CMIP: variants seen among roughly 807,000 people sequenced by gnomAD.
The protein encoded by CMIP is C-Maf-inducing protein.
Under a neutral mutation model 97.3 loss-of-function variants are expected in CMIP, and 13 were observed. The observed-to-expected ratio is 0.13, with a 90% CI of 0.09 to 0.21. The LOEUF is 0.21. Among genes scored for constraint, CMIP ranks in the 10% least tolerant of loss-of-function variants. CMIP has a pLI of 1.00. For missense variants in CMIP, 847 were observed against 1,024.9 expected (o/e 0.83, Z 2.37); for synonymous variants, 538 against 436.3 (o/e 1.23, Z -2.91).
At chr16:81,612,578 A>C (rs1211418522) in intron 2 of CMIP, among the ~76,000 whole-genome samples, 1 of 152,182 alleles carries the variant, frequency 6.6e-6, no homozygotes, top group African/African-American at 2.4e-5. Context: ...GAGCTTGGAA[A>C]AGGTCGCTCA....
At chr16:81,455,850 G>T (rs988122527) in intron 1 of CMIP, among the ~76,000 whole-genome samples, 1 of 152,208 alleles carries the variant, frequency 6.6e-6, no homozygotes, top group African/African-American at 2.4e-5. Flanking sequence ...GGCCTGGTGG[G>T]AAGGCCCTGC....
chr16:81,466,896 A>G (rs1284403599), intron 1 of CMIP, among the ~76,000 whole-genome samples: 7 of 152,224 alleles, frequency 4.6e-5, no homozygotes, highest in Admixed American at 2.6e-4. Flanking sequence ...AGTTTCTGCA[A>G]CCAGTTCCAG....
At chr16:81,463,285 C>G (rs1210807008) in intron 1 of CMIP, among the ~76,000 whole-genome samples, 4 of 152,272 alleles carry the variant, frequency 2.6e-5, no homozygotes, top group Non-Finnish European at 5.9e-5. Context: ...TAGCCACACC[C>G]TAGAGCAAAA....
chr16:81,684,301 C>A (rs1035579032), intron 10 of CMIP, among the ~76,000 whole-genome samples: 4 of 152,224 alleles, frequency 2.6e-5, no homozygotes, highest in African/African-American at 9.6e-5. Context: ...TTCAAGGGAG[C>A]AGATGTTTCT....
intron 3 of CMIP, among the ~76,000 whole-genome samples, chr16:81,651,951 C>G (rs1035131205): frequency 1.3e-5 from 2 of 152,104 alleles, no homozygotes; most frequent in African/African-American, 4.8e-5. Flanking sequence ...CAAGGATTAT[C>G]ATCAGGGTGA....
intron 1 of CMIP, among the ~76,000 whole-genome samples, chr16:81,479,733 G>T (rs57111325): frequency 0.014 from 2,191 of 152,170 alleles, 53 homozygotes; most frequent in African/African-American, 0.051. Flanking sequence ...CCTCTGTCTA[G>T]TTCCAAAACA....
intron 1 of CMIP, among the ~76,000 whole-genome samples, chr16:81,574,546 A>G (rs769886533): frequency 2.6e-5 from 4 of 152,382 alleles, no homozygotes; most frequent in Admixed American, 6.5e-5. Context: ...AGGCTTTACT[A>G]ATGGACAAAT....
At chr16:81,661,007 C>T (rs1597210402) in intron 6 of CMIP, 61 bp downstream of exon 6, 3 of 1,602,840 alleles carry the variant, frequency 1.9e-6, no homozygotes, top group East Asian at 4.5e-5. Context: ...GTGCGCATAC[C>T]AGGGATTGGG....
intron 3 of CMIP, among the ~76,000 whole-genome samples, chr16:81,633,965 G>A (rs139057178): frequency 2.6e-4 from 39 of 152,280 alleles, no homozygotes; most frequent in African/African-American, 8.7e-4. Context: ...CATCCAAGAG[G>A]GTCCTTATCA....
intron 1 of CMIP, among the ~76,000 whole-genome samples, chr16:81,539,823 C>T (rs551870761): frequency 6.6e-6 from 1 of 152,350 alleles, no homozygotes; most frequent in South Asian, 2.1e-4. Context: ...GACAGTCATT[C>T]TCTTTATGAA....
intron 1 of CMIP, among the ~76,000 whole-genome samples, chr16:81,549,888 TTGAA>T (rs1207526585): frequency 6.6e-6 from 1 of 152,178 alleles, no homozygotes. Flanking sequence ...ACATGTGTAT[TTGAA>T]TGTGTGTGTG....
intron 16 of CMIP, 51 bp from the exon 17 acceptor site, chr16:81,702,571 A>G (rs1907540347): frequency 1.9e-6 from 3 of 1,573,210 alleles, no homozygotes; most frequent in Admixed American, 1.7e-5. Flanking sequence ...GAAGTCTAGA[A>G]TGGAAACTTG....
At chr16:81,465,942 C>G (rs559180543) in intron 1 of CMIP, among the ~76,000 whole-genome samples, 80 of 152,352 alleles carry the variant, frequency 5.3e-4, no homozygotes, top group Non-Finnish European at 1.0e-3. Flanking sequence ...GGAGACAACC[C>G]TTGCAGAGAA....
intron 1 of CMIP, among the ~76,000 whole-genome samples, chr16:81,500,301 T>TCCTTCCTTCCTTCCTC (rs1200431349): frequency 1.5e-5 from 2 of 133,402 alleles, no homozygotes; most frequent in Non-Finnish European, 3.1e-5. Context: ...CTTCCTTCCT[T>TCCTTCCTTCCTTCCTC]CCTGCCTCCC....
In CMIP at chr16:81,705,612, C is replaced by G; in HGVS notation, c.2197+8C>G. The G allele has an allele frequency of 6.4e-7, 1 of 1,572,650 alleles. No individual in the cohort carries two copies. Among genetic ancestry groups the G allele is most frequent in the Non-Finnish European group, 8.6e-7 (1 of 1,156,644 alleles). On this transcript the variant is annotated splice_region_variant and intron_variant, in intron 19 of 20. Coordinates refer to ENST00000537098, the MANE Select transcript of CMIP (RefSeq NM_198390.3). ...GCCTGCTGGCCCTGAGCTGTGAGTG[C>G]CTCCGGGGCAGCTGGGGGGTGAGGG...
intron 3 of CMIP, among the ~76,000 whole-genome samples, chr16:81,640,770 G>GTGTGTGTGTGTGTGTGTGTGTGTGTCTC (rs376370488): frequency 7.4e-6 from 1 of 135,718 alleles, no homozygotes; most frequent in African/African-American, 2.8e-5. Flanking sequence ...GTGTGTGTGT[G>GTGTGTGTGTGTGTGTGTGTGTGTGTCTC]TCTCTCTCTC....
At chr16:81,690,901 G>T (rs1905985474) in intron 10 of CMIP, among the ~76,000 whole-genome samples, 1 of 152,130 alleles carries the variant, frequency 6.6e-6, no homozygotes, top group South Asian at 2.1e-4. Context: ...ACTCCAGCCT[G>T]GGCAACAGAG....
chr16:81,585,558 T>C (rs913781870), intron 1 of CMIP, among the ~76,000 whole-genome samples: 1 of 152,208 alleles, frequency 6.6e-6, no homozygotes, highest in African/African-American at 2.4e-5. Context: ...TATACGTGGA[T>C]CAATTCCATT....
At chr16:81,660,231 T>A (rs2151018706) in intron 5 of CMIP, among the ~76,000 whole-genome samples, 1 of 152,292 alleles carries the variant, frequency 6.6e-6, no homozygotes, top group South Asian at 2.1e-4. Context: ...ACAGAACTTT[T>A]AATTTTACTT....
Sources: gnomAD v4.1 joint callset for allele counts (sites outside exome capture counted in the v4.1 genomes callset) on GRCh38, gnomAD v4.1.1 for gene constraint, MANE v1.5 for transcripts, NCBI Gene and HGNC (gene_info 2026-07-23, HGNC 2026-07-21) for gene names.